The following DRAM2 variants were observed in gnomAD, a reference collection of about 807,000 sequenced individuals.
DRAM2 encodes DNA damage regulated autophagy modulator 2, also known as DNA damage-regulated autophagy modulator protein 2.
DRAM2 carries 26 observed loss-of-function variants against 33.5 expected under a neutral mutation model. The observed-to-expected ratio is 0.78, with a 90% CI of 0.57 to 1.08. The LOEUF is 1.08. DRAM2 is among the 50% of genes least tolerant of loss of function. The pLI is 0.00. For missense variants in DRAM2, 311 were observed against 318.1 expected, an observed-to-expected ratio of 0.98 and a Z score of 0.17; for synonymous variants, 98 against 109.5, an observed-to-expected ratio of 0.89 and a Z score of 0.66.
intron 9 of DRAM2, 140 bp from the exon 10 acceptor site, chr1:111,118,407 G>C: frequency 3.2e-6 from 2 of 617,264 alleles, no homozygotes; most frequent in Non-Finnish European, 5.6e-6. Flanking sequence ...TACTGTCAAA[G>C]GTATCCTCTT....
chr1:111,119,039 T>G (rs1649469880), intron 8 of DRAM2, 142 bp from the exon 9 acceptor site: 1 of 496,002 alleles, frequency 2.0e-6, no homozygotes. Context: ...GCATATAATA[T>G]CTCTAGAATT....
chr1:111,138,614 T>C (rs1266620030), intron 2 of DRAM2, among the ~76,000 whole-genome samples: 1 of 152,094 alleles, frequency 6.6e-6, no homozygotes, highest in African/African-American at 2.4e-5. Context: ...TGACACCCTG[T>C]CTCTACTAAA....
chr1:111,118,861 A>G lies in DRAM2; in HGVS notation c.637T>C (p.Trp213Arg). The change falls in exon 9 of 10, where the codon TGG (tryptophan) becomes CGG (arginine). Residue 213 changes from tryptophan (W) to arginine (R), a missense_variant. Physicochemically the swap from Trp to Arg is moderately radical, Grantham distance 101 (BLOSUM62 -3). Transcript: ENST00000484310. Reference sequence around the variant, plus strand: ...CCAAAGAAGGAAAATGACATAGACCATTCTGCTGCAGTAGTGATCATGTGA... The same window carrying G: ...CCAAAGAAGGAAAATGACATAGACCGTTCTGCTGCAGTAGTGATCATGTGA... ...VLHMITTAAE[W>R]SMSFSFFGFF... 3.1e-6 allele frequency: 5 copies of G among 1,610,388 alleles called. No homozygotes were observed. Among genetic ancestry groups the G allele is most frequent in the South Asian group, 1.1e-5 (1 of 90,720 alleles).
At position 111,124,787 on chromosome 1, in the gene DRAM2, A is replaced by C; in HGVS notation, c.294T>G (p.Leu98=). Residue 98 remains leucine, a synonymous_variant, in exon 6 of 10, where the codon CTT becomes CTG. Coordinates refer to ENST00000484310, the MANE Select transcript of DRAM2 (RefSeq NM_001349884.2). ...IIKLNKAGLV[L]GILSCLGLSI... ...AAAGTCCTAAACAACTCAGTATTCC[A>C]AGTACAAGGCCAGCCTTGTTTAATT... 6.2e-7 allele frequency: 1 copy of C among 1,613,566 alleles called. No individual in the cohort carries two copies. Among genetic ancestry groups the C allele is most frequent in the Middle Eastern group, 1.7e-4 (1 of 6,054 alleles).
At chr1:111,127,733 G>A (rs1225861849) in intron 4 of DRAM2, among the ~76,000 whole-genome samples, 2 of 152,020 alleles carry the variant, frequency 1.3e-5, no homozygotes, top group Admixed American at 1.3e-4. Flanking sequence ...TTTCCAAGAT[G>A]GTTGGCTAAG....
At chr1:111,133,178 CTTTT>C (rs35385263) in intron 3 of DRAM2, among the ~76,000 whole-genome samples, 3 of 134,568 alleles carry the variant, frequency 2.2e-5, no homozygotes, top group African/African-American at 2.8e-5. Flanking sequence ...CTTTACTTAC[CTTTT>C]TTTTTTTTTT....
In DRAM2 at chr1:111,126,213, C is replaced by T. The variant is rs1243765886; in HGVS notation, c.199+14G>A. 6.3e-7 allele frequency: 1 copy of T among 1,584,214 alleles called. No individual in the cohort carries two copies. Among genetic ancestry groups the T allele is most frequent in the African/African-American group, 1.4e-5 (1 of 74,060 alleles). On this transcript the variant is annotated intron_variant, in intron 5 of 9. Coordinates refer to ENST00000484310, the MANE Select transcript of DRAM2 (RefSeq NM_001349884.2). ...TTTGGCTATTATCATGTTAAAATCACTTTCATTACTTACATAAAACTGCCG... is the reference window on the plus strand; with the variant it reads ...TTTGGCTATTATCATGTTAAAATCATTTTCATTACTTACATAAAACTGCCG...
chr1:111,132,637 TTGAG>T (rs776563679), intron 3 of DRAM2, among the ~76,000 whole-genome samples: 1 of 152,072 alleles, frequency 6.6e-6, no homozygotes, highest in Non-Finnish European at 1.5e-5. Context: ...GTGTTGATTA[TTGAG>T]TGAGAGAACA....
intron 6 of DRAM2, among the ~76,000 whole-genome samples, chr1:111,122,850 A>G (rs1650300996): frequency 6.6e-6 from 1 of 152,208 alleles, no homozygotes; most frequent in Admixed American, 6.6e-5. Flanking sequence ...TTTAGTCAAA[A>G]TTACACGGCC....
At chr1:111,133,177 C>CT (rs1652461548) in intron 3 of DRAM2, among the ~76,000 whole-genome samples, 1 of 142,216 alleles carries the variant, frequency 7.0e-6, no homozygotes, top group Admixed American at 7.0e-5. Context: ...TCTTTACTTA[C>CT]CTTTTTTTTT....
At chr1:111,129,550 T>A (rs76402290) in intron 4 of DRAM2, among the ~76,000 whole-genome samples, 2 of 152,342 alleles carry the variant, frequency 1.3e-5, no homozygotes, top group East Asian at 3.9e-4. Context: ...TTTCCTCATA[T>A]CCTTTTTGTG....
chr1:111,138,945 G>A (rs1653896670), intron 2 of DRAM2: 1 of 152,332 alleles, frequency 6.6e-6, no homozygotes, highest in Non-Finnish European at 1.5e-5. Flanking sequence ...AGTGGTGAAT[G>A]CTAAGAAATA....
chr1:111,127,483 T>C lies in DRAM2; in HGVS notation c.132-1189A>G, dbSNP rs183564187. 1.9e-3 allele frequency among the ~76,000 whole-genome samples: 293 copies of C among 151,428 alleles called. 1 individual carries two copies. Among genetic ancestry groups the C allele is most frequent in the African/African-American group, 6.9e-3 (286 of 41,312 alleles). On this transcript the variant is annotated intron_variant, in intron 4 of 9. Transcript: ENST00000484310. ...TCTCTTAAAAAAAAAAAATCTGCAG[T>C]GAAAATAGAGAAACAAAAAATAATG...
At chr1:111,135,617 T>C (rs1653000306) in intron 3 of DRAM2, among the ~76,000 whole-genome samples, 1 of 152,234 alleles carries the variant, frequency 6.6e-6, no homozygotes, top group Non-Finnish European at 1.5e-5. Flanking sequence ...CCCTTTGTTT[T>C]ACATGTCTAA....
Position 111,131,464 on chromosome 1 carries a change from C to T in DRAM2, c.91G>A (p.Val31Ile). ...AAFIFSYITA[V>I]TLHHIDPALP... ...GCCGGGTCTATATGGTGGAGTGTTACTGCAGTAATGTATGAAAATATGAAA... is the reference window on the plus strand; with the variant it reads ...GCCGGGTCTATATGGTGGAGTGTTATTGCAGTAATGTATGAAAATATGAAA... The change falls in exon 4 of 10, where the codon GTA becomes ATA. Residue 31 changes from valine (V) to isoleucine (I), a missense_variant. Val to Ile is a conservative substitution (Grantham distance 29). Coordinates refer to ENST00000484310, the MANE Select transcript of DRAM2 (RefSeq NM_001349884.2). The T allele has an allele frequency of 6.2e-7, 1 of 1,614,054 alleles. No homozygotes were observed. Among genetic ancestry groups the T allele is most frequent in the Non-Finnish European group, 8.5e-7 (1 of 1,179,970 alleles).
intron 4 of DRAM2, among the ~76,000 whole-genome samples, chr1:111,126,907 C>T (rs980229238): frequency 6.6e-6 from 1 of 152,174 alleles, no homozygotes; most frequent in Non-Finnish European, 1.5e-5. Context: ...ACATAGCATG[C>T]TTTCTGAACT....
intron 3 of DRAM2, among the ~76,000 whole-genome samples, chr1:111,136,172 T>C (rs555410469): frequency 9.8e-5 from 15 of 152,354 alleles, no homozygotes; most frequent in Admixed American, 2.0e-4. Flanking sequence ...CTAATTAACA[T>C]TCCTAAAGTA....
intron 4 of DRAM2, among the ~76,000 whole-genome samples, chr1:111,129,253 G>A (rs1651602779): frequency 6.6e-6 from 1 of 152,102 alleles, no homozygotes. Flanking sequence ...AACCACAACA[G>A]CAACAAAACA....
At chr1:111,133,887 C>T (rs325937) in intron 3 of DRAM2, among the ~76,000 whole-genome samples, 35,834 of 152,190 alleles carry the variant, frequency 0.24, 5,323 homozygotes, top group African/African-American at 0.4. Context: ...CCAGCTTCAG[C>T]TGAGTGTCCC....
Sources: gnomAD v4.1 joint callset for allele counts (sites outside exome capture counted in the v4.1 genomes callset) on GRCh38, gnomAD v4.1.1 for gene constraint, MANE v1.5 for transcripts, NCBI Gene and HGNC (gene_info 2026-07-23, HGNC 2026-07-21) for gene names.